The following LETM1 variants were observed in gnomAD, a reference collection of about 807,000 sequenced individuals.
The protein encoded by LETM1 is mitochondrial proton/calcium exchanger protein.
Under a neutral mutation model 74.5 loss-of-function variants are expected in LETM1, and 50 were observed. That is an observed-to-expected ratio of 0.67 (90% confidence interval 0.53 to 0.85). LETM1 has a LOEUF of 0.85. Among genes scored for constraint, LETM1 ranks in the 40% least tolerant of loss-of-function variants. The probability of loss-of-function intolerance (pLI) is 0.00; values close to 1 mark genes in which losing one functional copy is unlikely to be tolerated. For missense variants in LETM1, 824 were observed against 967.8 expected, an observed-to-expected ratio of 0.85 and a Z score of 1.97; for synonymous variants, 446 against 407.1, an observed-to-expected ratio of 1.10 and a Z score of -1.15.
intron 12 of LETM1, 72 bp from the exon 13 acceptor site, chr4:1,815,874 T>TG (rs1711555121): frequency 1.3e-5 from 21 of 1,572,670 alleles, no homozygotes; most frequent in Non-Finnish European, 1.7e-5. Flanking sequence ...CCCACACCTG[T>TG]GGCTGCAAGT....
chr4:1,823,820 T>C, intron 7 of LETM1, 45 bp from the exon 8 acceptor site: 1 of 1,571,070 alleles, frequency 6.4e-7, no homozygotes, highest in Non-Finnish European at 8.6e-7. Flanking sequence ...CCCCCAACCC[T>C]GCTGGCCCCA....
intron 1 of LETM1, among the ~76,000 whole-genome samples, chr4:1,853,724 G>A (rs1713146195): frequency 6.6e-6 from 1 of 152,152 alleles, no homozygotes; most frequent in African/African-American, 2.4e-5. Context: ...AACAGATCAA[G>A]GTCAGTTCAT....
chr4:1,851,527 C>T (rs539273813), intron 1 of LETM1, among the ~76,000 whole-genome samples: 19 of 152,300 alleles, frequency 1.2e-4, no homozygotes, highest in East Asian at 1.9e-4. Context: ...TGTAACAGTC[C>T]GGTCTGTGAA....
At chr4:1,840,024 C>A (rs1712632294) in intron 3 of LETM1, among the ~76,000 whole-genome samples, 1 of 152,202 alleles carries the variant, frequency 6.6e-6, no homozygotes, top group Non-Finnish European at 1.5e-5. Flanking sequence ...GGGTGTCACA[C>A]CTCATGTAGC....
At chr4:1,840,176 G>A (rs908655065) in intron 3 of LETM1, among the ~76,000 whole-genome samples, 2 of 152,196 alleles carry the variant, frequency 1.3e-5, no homozygotes, top group East Asian at 3.8e-4. Flanking sequence ...CCAGGAGTTC[G>A]AGAGCAGCCT....
At position 1,814,373 on chromosome 4, in the gene LETM1, C is replaced by T; in HGVS notation, c.*51G>A. The T allele has an allele frequency of 4.3e-6, 7 of 1,612,794 alleles. No individual in the cohort carries two copies. Among genetic ancestry groups the T allele is most frequent in the Non-Finnish European group, 5.9e-6 (7 of 1,178,942 alleles). On this transcript the variant is annotated 3_prime_UTR_variant, in exon 14 of 14. Transcript: ENST00000302787. ...ACCACAAAGCAATCGCCCTCACGGC[C>T]CTTGCCAGGGTGACGGCACAGCAGG...
intron 10 of LETM1, among the ~76,000 whole-genome samples, chr4:1,821,140 T>C (rs1459723445): frequency 1.3e-5 from 2 of 151,820 alleles, no homozygotes; most frequent in South Asian, 2.1e-4. Context: ...TTTTTTTTTT[T>C]TGAGACAGAG....
At chr4:1,855,397 G>A (rs1447123041) in intron 1 of LETM1, among the ~76,000 whole-genome samples, 1 of 152,182 alleles carries the variant, frequency 6.6e-6, no homozygotes, top group Admixed American at 6.5e-5. Context: ...CACCACAGGG[G>A]TTTGTAGGTG....
At chr4:1,845,692 A>C (rs934327172) in intron 2 of LETM1, among the ~76,000 whole-genome samples, 1 of 151,032 alleles carries the variant, frequency 6.6e-6, no homozygotes, top group Non-Finnish European at 1.5e-5. Context: ...GATTATAGGC[A>C]TGTGCCACCA....
chr4:1,824,558 TGAG>T (rs1398666705), intron 7 of LETM1, among the ~76,000 whole-genome samples: 6 of 151,330 alleles, frequency 4.0e-5, no homozygotes, highest in East Asian at 3.9e-4. Context: ...AAGGCAACGC[TGAG>T]GAGAAGTGGG....
chr4:1,818,343 G>A (rs1711649443), intron 11 of LETM1, among the ~76,000 whole-genome samples: 1 of 152,210 alleles, frequency 6.6e-6, no homozygotes, highest in South Asian at 2.1e-4. Flanking sequence ...GCCGGGCACA[G>A]TGGCTCATGT....
At chr4:1,828,227 T>C (rs1463407668) in intron 6 of LETM1, among the ~76,000 whole-genome samples, 29 of 93,450 alleles carry the variant, frequency 3.1e-4, no homozygotes, top group Admixed American at 4.7e-4. Flanking sequence ...CGGGGGGGGC[T>C]GACCGCCCCC....
intron 1 of LETM1, among the ~76,000 whole-genome samples, chr4:1,849,443 T>A (rs76627236): frequency 6.6e-6 from 1 of 152,024 alleles, no homozygotes. Flanking sequence ...TTTTTTTTTT[T>A]AGTAGAGACA....
chr4:1,856,031 G>C lies in LETM1; in HGVS notation c.-81C>G. The C allele has an allele frequency of 4.2e-6, 4 of 947,470 alleles. No homozygotes were observed. The highest frequency in any genetic ancestry group is 5.4e-6 in the Non-Finnish European group (4 of 739,588). The allele number at this position is 947,470 out of a possible 1,614,324, so 58.7% of individuals were successfully genotyped here. ...GCCGCGGCTCTTCGCCGTCCCGGCG[G>C]CGCTTCAGACCCGGCCCGCGCGGAC... On this transcript the variant is annotated 5_prime_UTR_variant, in exon 1 of 14. Coordinates refer to ENST00000302787, the MANE Select transcript of LETM1 (RefSeq NM_012318.3).
rs781376495 is a variant in LETM1 at position 1,834,936 on chromosome 4, T to C, written c.785A>G (p.Lys262Arg). 4.3e-6 allele frequency: 7 copies of C among 1,614,186 alleles called. No individual in the cohort carries two copies. The highest frequency in any genetic ancestry group is 5.9e-6 in the Non-Finnish European group (7 of 1,180,038). The part of the protein sequence containing the change: ...KELRVKLELA[K>R]FLQDTIEEMA... ...CTCCTCGATGGTGTCCTGGAGGAACTTGGCCAGCTCCAGCTTGACCCGAAG... is the reference window on the plus strand; with the variant it reads ...CTCCTCGATGGTGTCCTGGAGGAACCTGGCCAGCTCCAGCTTGACCCGAAG... The change falls in exon 5 of 14, where the codon AAG (lysine) becomes AGG (arginine). Residue 262 changes from lysine (K) to arginine (R), a missense_variant. Coordinates refer to ENST00000302787, the MANE Select transcript of LETM1 (RefSeq NM_012318.3). This position sits in a 1 kb window ranked among gnomAD's most constrained non-coding sequence, Gnocchi z 5.0.
At chr4:1,831,237 A>G (rs1012219489) in intron 6 of LETM1, among the ~76,000 whole-genome samples, 1 of 152,238 alleles carries the variant, frequency 6.6e-6, no homozygotes, top group African/African-American at 2.4e-5. Flanking sequence ...ACTCACATCC[A>G]TAAGCTAAAT....
At chr4:1,817,944 T>A (rs1468215020) in intron 11 of LETM1, among the ~76,000 whole-genome samples, 1 of 152,110 alleles carries the variant, frequency 6.6e-6, no homozygotes, top group Non-Finnish European at 1.5e-5. Context: ...CATGCCTGGC[T>A]AATTTTTGTA....
chr4:1,855,926 A>G lies in LETM1; in HGVS notation c.25T>C (p.Cys9Arg). 1 of 1,236,196 alleles carries G rather than the reference A, an allele frequency of 8.1e-7. No individual in the cohort carries two copies. Among genetic ancestry groups the G allele is most frequent in the Non-Finnish European group, 1.0e-6 (1 of 992,464 alleles). The allele number at this position is 1,236,196 out of a possible 1,614,324, so 76.6% of individuals were successfully genotyped here. ...AGGCGGGCGGGCGCCCGGCCGCGGC[A>G]GCTCCTCAGTAAGATGGACGCCATG... MASILLRSCRGRAPARLPP... is the reference protein window; with the variant it reads MASILLRSRRGRAPARLPP... Residue 9 changes from cysteine to arginine, a missense_variant, in exon 1 of 14, where the codon TGC becomes CGC. Coordinates refer to ENST00000302787, the MANE Select transcript of LETM1 (RefSeq NM_012318.3).
At chr4:1,849,057 TC>T in intron 2 of LETM1, 91 bp downstream of exon 2, 5 of 831,268 alleles carry the variant, frequency 6.0e-6, no homozygotes, top group Non-Finnish European at 1.1e-5. Context: ...ATACACTGTT[TC>T]CCTCAAAAAT....
Sources: gnomAD v4.1 joint callset for allele counts (sites outside exome capture counted in the v4.1 genomes callset) on GRCh38, gnomAD v4.1.1 for gene constraint, Gnocchi (gnomAD v3.1) non-coding constraint, MANE v1.5 for transcripts, NCBI Gene and HGNC (gene_info 2026-07-23, HGNC 2026-07-21) for gene names.